Variants in UNC80 observed in about 807,000 individuals in gnomAD.
UNC80 encodes unc-80 subunit of NALCN channel complex.
UNC80 carries 164 observed loss-of-function variants against 384.6 expected under a neutral mutation model. That is an observed-to-expected ratio of 0.43 (90% CI 0.38 to 0.49). UNC80 has a LOEUF of 0.49. UNC80 is among the 20% of genes least tolerant of loss of function. UNC80 has a pLI of 0.00. For synonymous variants in UNC80, 1,486 were observed against 1,527.8 expected, an observed-to-expected ratio of 0.97 and a Z score of 0.64; for missense variants, 3,330 against 4,143.0, an observed-to-expected ratio of 0.80 and a Z score of 5.39.
chr2:209,932,455 A>G (rs1219323657), intron 38 of UNC80, among the ~76,000 whole-genome samples: 1 of 152,144 alleles, frequency 6.6e-6, no homozygotes, highest in Non-Finnish European at 1.5e-5. Flanking sequence ...GAAAGAGCCC[A>G]AAGAGGGACT....
chr2:209,817,456 T>A (rs2079821306), intron 10 of UNC80, among the ~76,000 whole-genome samples: 1 of 151,782 alleles, frequency 6.6e-6, no homozygotes, highest in South Asian at 2.1e-4. Context: ...AAACTTGGAT[T>A]TTTTTTGAAA....
chr2:209,836,954 GACTAC>G (rs2081371960), intron 18 of UNC80, among the ~76,000 whole-genome samples: 1 of 152,130 alleles, frequency 6.6e-6, no homozygotes, highest in African/African-American at 2.4e-5. Context: ...TTTCCAGCCA[GACTAC>G]ATAGTCATAC....
rs1397220459 is a variant in UNC80 at position 209,972,305 on chromosome 2, A to G, written c.8361A>G (p.Thr2787=). Reference sequence around the variant, plus strand: ...ATCTGCTCATCCCATTTGTGCTCACAGTAGGATCTGGAAGCAAAGGTCTGA... The same window carrying G: ...ATCTGCTCATCCCATTTGTGCTCACGGTAGGATCTGGAAGCAAAGGTCTGA... ...LLNLLIPFVL[T]VGSGSKDSPW... Residue 2787 remains threonine (T), a synonymous_variant, in exon 55 of 65, where the codon ACA becomes ACG. Transcript: ENST00000673920. The G allele has an allele frequency of 1.3e-6, 2 of 1,551,670 alleles. No homozygotes were observed.
chr2:209,834,149 A>C lies in UNC80; in HGVS notation c.2923A>C (p.Lys975Gln), dbSNP rs2081184898. Residue 975 changes from lysine to glutamine, a missense_variant, in exon 17 of 65, where the codon AAG (lysine) becomes CAG (glutamine). This residue lies in a region of UNC80 where 801 missense variants were observed against 950.8 expected (regional missense o/e 0.84). Transcript: ENST00000673920. ...KKVEENEQES[K>Q]PAGSKRSEAG... ...GGTGGAGGAGAATGAACAGGAATCTAAGCCTGCAGGCAGTAAAAGGTTGGA... is the reference window on the plus strand; with the variant it reads ...GGTGGAGGAGAATGAACAGGAATCTCAGCCTGCAGGCAGTAAAAGGTTGGA... 6.4e-7 allele frequency: 1 copy of C among 1,551,614 alleles called. No homozygotes were observed. Among genetic ancestry groups the C allele is most frequent in the Admixed American group, 2.0e-5 (1 of 51,004 alleles).
intron 13 of UNC80, among the ~76,000 whole-genome samples, chr2:209,822,741 C>A (rs944169173): frequency 6.6e-6 from 1 of 152,050 alleles, no homozygotes; most frequent in African/African-American, 2.4e-5. Context: ...ATTTTAACCA[C>A]ATTTTTATTG....
chr2:209,938,228 C>A (rs1036671075), intron 42 of UNC80, among the ~76,000 whole-genome samples: 1 of 152,140 alleles, frequency 6.6e-6, no homozygotes, highest in African/African-American at 2.4e-5. Flanking sequence ...AAACTTTGAG[C>A]TTAAGGAAAG....
At chr2:209,828,321 G>C (rs1159228170) in intron 14 of UNC80, among the ~76,000 whole-genome samples, 1 of 152,018 alleles carries the variant, frequency 6.6e-6, no homozygotes, top group Non-Finnish European at 1.5e-5. Flanking sequence ...AAATGAGTTT[G>C]TTCAATATCT....
rs1211760690 is a variant in UNC80, at chr2:209,801,632, C to T, written c.938+7773C>T. On this transcript the variant is annotated intron_variant, in intron 7 of 64. Coordinates refer to ENST00000673920, the MANE Select transcript of UNC80 (RefSeq NM_001371986.1). ...TCCAGACCTTGTGATCCACCCACCT[C>T]GGCCTCCCAAAGTGCTGGGATTACA... Among the ~76,000 whole-genome samples the T allele has an allele frequency of 4.1e-5, 6 of 147,676 alleles. No homozygotes were observed. In the South Asian group the frequency reaches 6.5e-4, roughly 16 times the overall value.
Position 209,938,354 on chromosome 2 carries a change from T to G in UNC80, c.6465+724T>G, listed in dbSNP as rs111340263. 3.5e-3 allele frequency among the ~76,000 whole-genome samples: 531 copies of G among 152,334 alleles called. 2 individuals are homozygous for G. The highest frequency in any genetic ancestry group is 0.012 in the African/African-American group (507 of 41,584). The stretch of plus-strand genomic sequence containing the variant: ...ATAAAATCTTTAAAGAATTTCAGGA[T>G]ACTTGATCATTTCAATTTTCTGTAC... On this transcript the variant is annotated intron_variant, in intron 42 of 64. Coordinates refer to ENST00000673920, the MANE Select transcript of UNC80 (RefSeq NM_001371986.1).
chr2:209,867,094 C>T (rs942092301), intron 22 of UNC80, among the ~76,000 whole-genome samples: 2 of 152,152 alleles, frequency 1.3e-5, no homozygotes, highest in Admixed American at 1.3e-4. Flanking sequence ...GTAGCTCATT[C>T]CTTGGCACTT....
intron 51 of UNC80, among the ~76,000 whole-genome samples, chr2:209,964,886 T>C (rs2092700675): frequency 6.6e-6 from 1 of 151,782 alleles, no homozygotes; most frequent in South Asian, 2.1e-4. Context: ...GCCTTATTTT[T>C]TCCTAATTTG....
chr2:209,952,922 TAG>T (rs1429628536), intron 47 of UNC80, among the ~76,000 whole-genome samples: 4 of 152,198 alleles, frequency 2.6e-5, no homozygotes, highest in African/African-American at 4.8e-5. Context: ...TTCCTGCTTA[TAG>T]AGCACATATT....
intron 35 of UNC80, among the ~76,000 whole-genome samples, chr2:209,923,958 T>C (rs1303394380): frequency 6.6e-6 from 1 of 152,128 alleles, no homozygotes; most frequent in African/African-American, 2.4e-5. Flanking sequence ...ATATAAGATA[T>C]GCCATGTGAA....
chr2:209,901,514 A>G (rs2087399231), intron 28 of UNC80, among the ~76,000 whole-genome samples: 1 of 152,228 alleles, frequency 6.6e-6, no homozygotes, highest in Admixed American at 6.5e-5. Flanking sequence ...TGGTCACTCA[A>G]GAGCTCTGAT....
intron 51 of UNC80, among the ~76,000 whole-genome samples, chr2:209,965,004 G>T (rs2125006651): frequency 6.6e-6 from 1 of 152,204 alleles, no homozygotes; most frequent in South Asian, 2.1e-4. Flanking sequence ...ATACTGTGTT[G>T]TGTTTAATTT....
chr2:209,859,722 C>T (rs2083213021), intron 22 of UNC80, among the ~76,000 whole-genome samples: 1 of 152,152 alleles, frequency 6.6e-6, no homozygotes, highest in Non-Finnish European at 1.5e-5. Flanking sequence ...ATAATCTCCA[C>T]TCTGACCAGC....
chr2:209,875,790 C>G (rs1035757967), intron 23 of UNC80, among the ~76,000 whole-genome samples: 1 of 152,128 alleles, frequency 6.6e-6, no homozygotes, highest in Admixed American at 6.6e-5. Flanking sequence ...GTCAAAACAC[C>G]AATTTGTCAA....
chr2:209,789,769 GA>G (rs751203693), intron 6 of UNC80, among the ~76,000 whole-genome samples, 164 bp downstream of exon 6: 5 of 151,844 alleles, frequency 3.3e-5, no homozygotes, highest in Non-Finnish European at 5.9e-5. Flanking sequence ...TCAGTCGTAT[GA>G]AAATTAATTT....
At chr2:209,844,749 C>A (rs939227312) in intron 21 of UNC80, among the ~76,000 whole-genome samples, 4 of 151,094 alleles carry the variant, frequency 2.6e-5, no homozygotes, top group African/African-American at 9.7e-5. Context: ...ACCACCATGC[C>A]CCACTAAATT....
Sources: allele counts gnomAD v4.1 joint callset (sites outside exome capture counted in the v4.1 genomes callset), GRCh38; gene constraint gnomAD v4.1.1; regional missense constraint gnomAD v4.1.1; transcripts MANE v1.5; gene names NCBI Gene and HGNC (gene_info 2026-07-23, HGNC 2026-07-21).